The following NXPH2 variants were observed in gnomAD, a reference collection of about 807,000 sequenced individuals.
The protein encoded by NXPH2 is neurexophilin-2.
Under a neutral mutation model 19.8 loss-of-function variants are expected in NXPH2, and 5 were observed. The ratio of observed to expected loss-of-function variants is 0.25; its 90% CI spans 0.13 to 0.53. The LOEUF (loss-of-function observed/expected upper bound fraction) is 0.53, where lower values mean the gene tolerates loss of function less well. NXPH2 is among the 20% of genes least tolerant of loss of function. The probability of loss-of-function intolerance (pLI) is 0.96; values close to 1 mark genes in which losing one functional copy is unlikely to be tolerated. For synonymous variants in NXPH2, 154 were observed against 127.4 expected (o/e 1.21, Z -1.41); for missense variants, 289 against 322.8 (o/e 0.90, Z 0.80).
chr2:138,724,729 G>A (rs749654241), intron 1 of NXPH2, among the ~76,000 whole-genome samples: 3 of 152,206 alleles, frequency 2.0e-5, no homozygotes, highest in Non-Finnish European at 1.5e-5. Flanking sequence ...GCATATATGT[G>A]TGTGTTTTTT....
rs568080954 is a variant in NXPH2, at chr2:138,705,789, C to G, written c.52-34124G>C. Among the ~76,000 whole-genome samples the G allele has an allele frequency of 5.9e-5, 7 of 118,076 alleles. No homozygotes were observed. The South Asian group carries it at 2.2e-3, about 37-fold the overall frequency. 77.5% of individuals were successfully genotyped at this position (118,076 alleles called of 152,430 possible). A position where few individuals can be genotyped will look rare whatever the true frequency, so the allele number is the denominator to read the frequency against. On this transcript the variant is annotated intron_variant, in intron 1 of 1. Transcript: ENST00000272641. ...TCTTTCTAGAGTCTTACAGAACAAG[C>G]TCAGTGATTCTTCATAAAATAAACA... is the stretch of plus-strand genomic sequence containing the variant.
chr2:138,678,486 ATT>A (rs35276129), intron 1 of NXPH2, among the ~76,000 whole-genome samples: 31,842 of 150,644 alleles, frequency 0.21, 3,558 homozygotes, highest in African/African-American at 0.29. Flanking sequence ...TTGGTTTAGG[ATT>A]TTTTTTTTTT....
At chr2:138,736,894 G>T (rs1444485047) in intron 1 of NXPH2, among the ~76,000 whole-genome samples, 1 of 152,164 alleles carries the variant, frequency 6.6e-6, no homozygotes, top group East Asian at 1.9e-4. Flanking sequence ...GGGGCAAAAT[G>T]CCACCAGCCT....
chr2:138,737,980 A>G (rs544484121), intron 1 of NXPH2, among the ~76,000 whole-genome samples: 3 of 151,554 alleles, frequency 2.0e-5, no homozygotes, highest in African/African-American at 7.3e-5. Flanking sequence ...GGTTAGTTAC[A>G]TATGTATACA....
In NXPH2 at chr2:138,734,545, T is replaced by A. The variant is rs572390395; in HGVS notation, c.51+45646A>T. On this transcript the variant is annotated intron_variant, in intron 1 of 1. Transcript: ENST00000272641. ...AGAAGGGAGTACTTGAGCTGAATTT[T>A]AAAAAAGGAATACCTCCTTGTAGAA... Among the ~76,000 whole-genome samples the A allele has an allele frequency of 5.4e-4, 82 of 152,224 alleles. 3 individuals are homozygous for A. The South Asian group carries it at 0.013, about 24-fold the overall frequency.
At position 138,699,917 on chromosome 2, in the gene NXPH2, T is replaced by C. The variant is rs369958510; in HGVS notation, c.52-28252A>G. ...ATATAAGTCGAGGCTTGTGTGTTAA[T>C]ATGCCTTCCTCAATGCACGTTCAAT... On this transcript the variant is annotated intron_variant, in intron 1 of 1. Transcript: ENST00000272641. Among the ~76,000 whole-genome samples, 28 of 152,370 alleles carry C rather than the reference T, an allele frequency of 1.8e-4. No individual in the cohort carries two copies. The South Asian group carries it at 5.8e-3, about 32-fold the overall frequency.
intron 1 of NXPH2, among the ~76,000 whole-genome samples, chr2:138,768,008 TTTTTA>T (rs796995444): frequency 2.4e-4 from 36 of 152,324 alleles, no homozygotes; most frequent in African/African-American, 8.2e-4. Context: ...TCTCCTTAAC[TTTTTA>T]TTTTGTCAGT....
chr2:138,759,890 C>T lies in NXPH2; in HGVS notation c.51+20301G>A, dbSNP rs571307474. On this transcript the variant is annotated intron_variant, in intron 1 of 1. Coordinates refer to ENST00000272641, the MANE Select transcript of NXPH2 (RefSeq NM_007226.3). ...GACTATAGGCACCTGCCACCACGCC[C>T]GGCTAATTTTTTGTATTTTTAATAG... 4.5e-4 allele frequency among the ~76,000 whole-genome samples: 68 copies of T among 152,024 alleles called. 1 individual carries two copies. In the South Asian group the frequency reaches 0.013, roughly 29 times the overall value.
chr2:138,702,757 T>C (rs1558917334), intron 1 of NXPH2, among the ~76,000 whole-genome samples: 1 of 152,064 alleles, frequency 6.6e-6, no homozygotes, highest in Non-Finnish European at 1.5e-5. Flanking sequence ...AGAACTAAAT[T>C]GCCAGGTGCT....
At chr2:138,736,288 G>A (rs1374622718) in intron 1 of NXPH2, among the ~76,000 whole-genome samples, 2 of 152,198 alleles carry the variant, frequency 1.3e-5, no homozygotes, top group African/African-American at 4.8e-5. Flanking sequence ...ACTTCTGCCT[G>A]GGCATCCAAG....
At chr2:138,698,639 G>A (rs1030955228) in intron 1 of NXPH2, among the ~76,000 whole-genome samples, 5 of 152,104 alleles carry the variant, frequency 3.3e-5, no homozygotes, top group African/African-American at 1.2e-4. Flanking sequence ...AGGATCCTTT[G>A]AGCCCAGGAG....
At chr2:138,744,207 T>C (rs1024095758) in intron 1 of NXPH2, among the ~76,000 whole-genome samples, 1 of 152,176 alleles carries the variant, frequency 6.6e-6, no homozygotes, top group Non-Finnish European at 1.5e-5. Flanking sequence ...TATTACACTG[T>C]ACTTTCCTTT....
chr2:138,748,334 A>C (rs1406544298), intron 1 of NXPH2, among the ~76,000 whole-genome samples: 1 of 152,206 alleles, frequency 6.6e-6, no homozygotes, highest in African/African-American at 2.4e-5. Context: ...ATGAAAGCTC[A>C]TTAGGTGTTA....
chr2:138,733,680 A>G (rs1681486609), intron 1 of NXPH2, among the ~76,000 whole-genome samples: 1 of 152,164 alleles, frequency 6.6e-6, no homozygotes. Flanking sequence ...AGCTCTCACA[A>G]TGTTCGGCTG....
At chr2:138,764,295 T>C (rs188377055) in intron 1 of NXPH2, among the ~76,000 whole-genome samples, 127 of 152,272 alleles carry the variant, frequency 8.3e-4, no homozygotes, top group African/African-American at 2.9e-3. Context: ...AGAGAAAATC[T>C]GATCCAGGGG....
intron 1 of NXPH2, among the ~76,000 whole-genome samples, chr2:138,733,998 A>G (rs1240452786): frequency 6.6e-6 from 1 of 152,192 alleles, no homozygotes; most frequent in Admixed American, 6.5e-5. Context: ...TAATCCCAGC[A>G]CTTTGGGAGG....
chr2:138,691,637 A>C (rs73961505), intron 1 of NXPH2, among the ~76,000 whole-genome samples: 25 of 152,166 alleles, frequency 1.6e-4, no homozygotes, highest in African/African-American at 6.0e-4. Flanking sequence ...TGGTACATGC[A>C]CTCTTGGAAC....
intron 1 of NXPH2, among the ~76,000 whole-genome samples, chr2:138,682,162 T>C (rs1221864356): frequency 2.0e-5 from 3 of 152,344 alleles, no homozygotes; most frequent in South Asian, 4.1e-4. Flanking sequence ...CAAAACCCTG[T>C]CATGATCAAT....
chr2:138,710,840 C>T (rs903960532), intron 1 of NXPH2, among the ~76,000 whole-genome samples: 3 of 152,112 alleles, frequency 2.0e-5, no homozygotes, highest in African/African-American at 7.2e-5. Context: ...GACTCCATAA[C>T]TCATCTAAAC....
Sources: gnomAD v4.1 joint callset for allele counts (sites outside exome capture counted in the v4.1 genomes callset) on GRCh38, gnomAD v4.1.1 for gene constraint, MANE v1.5 for transcripts, NCBI Gene and HGNC (gene_info 2026-07-23, HGNC 2026-07-21) for gene names.